Variants in SLC9A5 observed in about 807,000 individuals in gnomAD.
SLC9A5 encodes the protein sodium/hydrogen exchanger 5.
A neutral mutation model predicts 91.7 loss-of-function variants in SLC9A5; 52 were observed. The observed-to-expected ratio is 0.57, with a 90% CI of 0.45 to 0.71. The LOEUF (loss-of-function observed/expected upper bound fraction) is 0.71, where lower values mean the gene tolerates loss of function less well. Ranked by LOEUF, SLC9A5 falls within the 30% of genes least tolerant of loss-of-function variation. The pLI is 0.00. For synonymous variants in SLC9A5, 419 were observed against 474.5 expected (o/e 0.88, Z 1.52); for missense variants, 871 against 1,158.9 (o/e 0.75, Z 3.61).
At position 67,271,500 on chromosome 16, in the gene SLC9A5, G is replaced by C. The variant is rs755068372; in HGVS notation, c.*290G>C. 15 of 443,498 alleles carry C rather than the reference G, an allele frequency of 3.4e-5. No individual in the cohort carries two copies. Among genetic ancestry groups the C allele is most frequent in the Non-Finnish European group, 5.3e-5 (13 of 243,858 alleles). The allele number at this position is 443,498 out of a possible 1,614,324, so 27.5% of individuals were successfully genotyped here. ...GCTAGGCCCAGAGACTTGGGTTGCT[G>C]GTCCCCCTTCCCTAGTGGGTTTTCC... On this transcript the variant is annotated 3_prime_UTR_variant, in exon 16 of 16. Transcript: ENST00000299798.
intron 1 of SLC9A5, among the ~76,000 whole-genome samples, chr16:67,250,487 C>T (rs1333348625): frequency 2.6e-5 from 4 of 152,164 alleles, no homozygotes; most frequent in African/African-American, 9.7e-5. Context: ...TTTGCTAAGT[C>T]TGTGAGTTGC....
Position 67,256,410 on chromosome 16 carries a change from T to C in SLC9A5, c.912-59T>C. 8.2e-7 allele frequency: 1 copy of C among 1,217,654 alleles called. No individual in the cohort carries two copies. The highest frequency in any genetic ancestry group is 1.2e-6 in the Non-Finnish European group (1 of 832,254). The allele number at this position is 1,217,654 out of a possible 1,614,324, so 75.4% of individuals were successfully genotyped here. On this transcript the variant is annotated intron_variant, in intron 5 of 15. Coordinates refer to ENST00000299798, the MANE Select transcript of SLC9A5 (RefSeq NM_004594.3). The surrounding 1 kb of genome is among the most constrained non-coding windows in gnomAD (Gnocchi z 4.1). Reference sequence around the variant, plus strand: ...CCCCTCCTGCAGTATGCTCAAACCCTGGAGGCTGAGCCCCCTGGAACCCTT... The same window carrying C: ...CCCCTCCTGCAGTATGCTCAAACCCCGGAGGCTGAGCCCCCTGGAACCCTT...
rs2142351634 is a variant in SLC9A5, at chr16:67,256,360, T to C, written c.912-109T>C. Reference sequence around the variant, plus strand: ...CCTCCCTGGGCTTCAGCTCTGAGAGTCTGACATCCTGTAATGGGCAATGCC... The same window carrying C: ...CCTCCCTGGGCTTCAGCTCTGAGAGCCTGACATCCTGTAATGGGCAATGCC... On this transcript the variant is annotated intron_variant, in intron 5 of 15. Coordinates refer to ENST00000299798, the MANE Select transcript of SLC9A5 (RefSeq NM_004594.3). This position sits in a 1 kb window ranked among gnomAD's most constrained non-coding sequence, Gnocchi z 4.1. 1 of 756,654 alleles carries C rather than the reference T, an allele frequency of 1.3e-6. No individual in the cohort carries two copies. The highest frequency in any genetic ancestry group is 2.3e-6 in the Non-Finnish European group (1 of 442,246). The allele number at this position is 756,654 out of a possible 1,614,324, so 46.9% of individuals were successfully genotyped here. A position where few individuals can be genotyped will look rare whatever the true frequency, so the allele number is the denominator to read the frequency against.
In SLC9A5 at chr16:67,258,599, C is replaced by A; in HGVS notation, c.1626+152C>A. ...CTGGTGAAGTGGCAGCGGCAGGAAG[C>A]AGCTGGGTCTGGTGCTGACATTCAG... On this transcript the variant is annotated intron_variant, in intron 10 of 15. Coordinates refer to ENST00000299798, the MANE Select transcript of SLC9A5 (RefSeq NM_004594.3). The surrounding 1 kb of genome is among the most constrained non-coding windows in gnomAD (Gnocchi z 4.5). 1 of 877,976 alleles carries A rather than the reference C, an allele frequency of 1.1e-6. No individual in the cohort carries two copies. 54.4% of individuals were successfully genotyped at this position (877,976 alleles called of 1,614,324 possible).
intron 1 of SLC9A5, among the ~76,000 whole-genome samples, chr16:67,250,175 C>T (rs2142333281): frequency 6.6e-6 from 1 of 152,312 alleles, no homozygotes; most frequent in South Asian, 2.1e-4. Context: ...ATGGACACTG[C>T]TAGGGGGTGA....
chr16:67,262,463 T>C (rs1297927026), intron 12 of SLC9A5: 1 of 324,624 alleles, frequency 3.1e-6, no homozygotes, highest in East Asian at 7.8e-5. Context: ...TTGGAAGCAA[T>C]CTGTATCAGG....
At position 67,257,132 on chromosome 16, in the gene SLC9A5, C is replaced by T; in HGVS notation, c.1335+19C>T. The T allele has an allele frequency of 6.3e-7, 1 of 1,599,322 alleles. No individual in the cohort carries two copies. Among genetic ancestry groups the T allele is most frequent in the Non-Finnish European group, 8.5e-7 (1 of 1,174,396 alleles). On this transcript the variant is annotated intron_variant, in intron 7 of 15. Transcript: ENST00000299798. This position sits in a 1 kb window ranked among gnomAD's most constrained non-coding sequence, Gnocchi z 5.1. ...CGTGCAGGTGGGAGTGCCCACAAGG[C>T]TGGGTAGGGAGAGGGTTGGGCAGGC...
Position 67,268,658 on chromosome 16 carries a change from T to TTATATATATA in SLC9A5, c.2219-2036_2219-2027dup, listed in dbSNP as rs60054219. 5.0e-3 allele frequency among the ~76,000 whole-genome samples: 210 copies of TTATATATATA among 42,224 alleles called. 5 individuals carry two copies. Among genetic ancestry groups the TTATATATATA allele is most frequent in the South Asian group, 8.5e-3 (11 of 1,288 alleles). The allele number at this position is 42,224 out of a possible 152,430, so 27.7% of individuals were successfully genotyped here. Reference sequence around the variant, plus strand: ...TCAAACATCGTTCAAATTTCCCTGATTATATATATATATATATATATATAT... The same window carrying TTATATATATA: ...TCAAACATCGTTCAAATTTCCCTGATTATATATATATATATATATATATATATATATATAT... On this transcript the variant is annotated intron_variant, in intron 15 of 15. Coordinates refer to ENST00000299798, the MANE Select transcript of SLC9A5 (RefSeq NM_004594.3).
At chr16:67,261,674 ATAATAG>A (rs1386978633) in intron 12 of SLC9A5, 1 of 152,220 alleles carries the variant, frequency 6.6e-6, no homozygotes, top group African/African-American at 2.4e-5. Flanking sequence ...AAAAAAATCT[ATAATAG>A]TTCTTTTTCC....
rs985344954 is a variant in SLC9A5 at position 67,255,024 on chromosome 16, C to T, written c.494C>T (p.Pro165Leu). 2 of 1,613,504 alleles carry T rather than the reference C, an allele frequency of 1.2e-6. No homozygotes were observed. Among genetic ancestry groups the T allele is most frequent in the African/African-American group, 2.7e-5 (2 of 74,984 alleles). The change falls in exon 3 of 16, where the codon CCT becomes CTT. Residue 165 changes from proline (P) to leucine (L), a missense_variant. Transcript: ENST00000299798. The surrounding 1 kb of genome is among the most constrained non-coding windows in gnomAD (Gnocchi z 4.9). The stretch of plus-strand genomic sequence containing the variant: ...TCCTACACATGTCCCTTAATAGCCC[C>T]TAGGGTGCAGGCTGGCTTACTGGAC... ...WGLQQAGLVA[P>L]RVQAGLLDFL...
chr16:67,251,540 A>G (rs1011847581), intron 1 of SLC9A5, among the ~76,000 whole-genome samples: 3 of 149,320 alleles, frequency 2.0e-5, no homozygotes, highest in Admixed American at 1.3e-4. Flanking sequence ...CAGTCTCCCA[A>G]GTAGCTGGGA....
Position 67,252,440 on chromosome 16 carries a change from A to G in SLC9A5, c.188-102A>G. 507 of 914,878 alleles carry G rather than the reference A, an allele frequency of 5.5e-4. No homozygotes were observed. The highest frequency in any genetic ancestry group is 7.5e-4 in the Non-Finnish European group (452 of 600,702). 56.7% of individuals were successfully genotyped at this position (914,878 alleles called of 1,614,324 possible). On this transcript the variant is annotated intron_variant, in intron 1 of 15. Coordinates refer to ENST00000299798, the MANE Select transcript of SLC9A5 (RefSeq NM_004594.3). This position sits in a 1 kb window ranked among gnomAD's most constrained non-coding sequence, Gnocchi z 4.0. ...ACTCCAGCTTGGGCAACAGAGTGAG[A>G]CTTCATCTCAAAAAAAAAAAAACAA...
chr16:67,256,684 C>T lies in SLC9A5; in HGVS notation c.1127C>T (p.Ala376Val), dbSNP rs1288786410. 1 of 1,610,936 alleles carries T rather than the reference C, an allele frequency of 6.2e-7. No homozygotes were observed. Among genetic ancestry groups the T allele is most frequent in the South Asian group, 1.1e-5 (1 of 91,026 alleles). Residue 376 changes from alanine to valine, a missense_variant, in exon 6 of 16, where the codon GCC becomes GTC. Coordinates refer to ENST00000299798, the MANE Select transcript of SLC9A5 (RefSeq NM_004594.3). This position sits in a 1 kb window ranked among gnomAD's most constrained non-coding sequence, Gnocchi z 4.1. ...GTLIFILFFR[A>V]LGVVLQTWVL... ...CTCATCTTCATCCTGTTCTTCCGAG[C>T]CCTCGGTATTGCTGGCACCCTCTGC...
intron 15 of SLC9A5, 63 bp downstream of exon 15, chr16:67,266,288 A>T: frequency 6.7e-7 from 1 of 1,483,458 alleles, no homozygotes; most frequent in Non-Finnish European, 9.0e-7. Context: ...CTCTTCACTC[A>T]TGGCCTCTAC....
intron 14 of SLC9A5, among the ~76,000 whole-genome samples, chr16:67,265,652 A>C (rs1329865391): frequency 1.3e-5 from 2 of 151,966 alleles, no homozygotes; most frequent in African/African-American, 4.8e-5. Flanking sequence ...TGAATGCCTA[A>C]CCTCAGGTGA....
At position 67,264,453 on chromosome 16, in the gene SLC9A5, T is replaced by A. The variant is rs372540427; in HGVS notation, c.1944T>A (p.Phe648Leu). The change falls in exon 13 of 16, where the codon TTT becomes TTA. Residue 648 changes from phenylalanine to leucine, a missense_variant. By Grantham distance (22) the Phe-to-Leu change is conservative. Around this residue, in one of 3 missense-constraint regions of SLC9A5, gnomAD observed 454 missense variants for 718.3 expected, o/e 0.63. Transcript: ENST00000299798. ...QQNMKRRLES[F>L]KSTKHNICFT... The stretch of plus-strand genomic sequence containing the variant: ...ACATGAAGCGGCGGCTGGAGTCCTT[T>A]AAGTCCACCAAGCACAACATCTGCT... 1.2e-6 allele frequency: 2 copies of A among 1,614,022 alleles called. No homozygotes were observed. Among genetic ancestry groups the A allele is most frequent in the African/African-American group, 1.3e-5 (1 of 74,904 alleles).
Position 67,255,931 on chromosome 16 carries a change from G to A in SLC9A5, c.911+1G>A, listed in dbSNP as rs756688645. The stretch of plus-strand genomic sequence containing the variant: ...TGGCCTCGCTCTCCGCCATTCTTGC[G>A]TGAGTTCTGGGGGCCTTGCAGGCAG... On this transcript the variant is annotated splice_donor_variant, in intron 5 of 15. Coordinates refer to ENST00000299798, the MANE Select transcript of SLC9A5 (RefSeq NM_004594.3). LOFTEE classifies it high-confidence loss of function. The surrounding 1 kb of genome is among the most constrained non-coding windows in gnomAD (Gnocchi z 4.9). 3 of 1,612,482 alleles carry A rather than the reference G, an allele frequency of 1.9e-6. No homozygotes were observed. The highest frequency in any genetic ancestry group is 1.3e-5 in the African/African-American group (1 of 75,008).
In SLC9A5 at chr16:67,252,884, C is replaced by A; in HGVS notation, c.490+40C>A. 6.4e-7 allele frequency: 1 copy of A among 1,551,828 alleles called. No individual in the cohort carries two copies. Among genetic ancestry groups the A allele is most frequent in the Non-Finnish European group, 8.7e-7 (1 of 1,144,214 alleles). The stretch of plus-strand genomic sequence containing the variant: ...GACCTGGGCTTTGCCAGACCCATCA[C>A]CCCTCTCCCTTCTCCTCAAGCTCTG... On this transcript the variant is annotated intron_variant, in intron 2 of 15. Transcript: ENST00000299798. This position sits in a 1 kb window ranked among gnomAD's most constrained non-coding sequence, Gnocchi z 4.0.
chr16:67,255,533 C>G lies in SLC9A5; in HGVS notation c.733+62C>G. The G allele has an allele frequency of 5.9e-6, 9 of 1,513,746 alleles. No individual in the cohort carries two copies. The highest frequency in any genetic ancestry group is 8.3e-6 in the Non-Finnish European group (9 of 1,089,244). 93.8% of individuals were successfully genotyped at this position (1,513,746 alleles called of 1,614,324 possible). On this transcript the variant is annotated intron_variant, in intron 4 of 15. Transcript: ENST00000299798. This position sits in a 1 kb window ranked among gnomAD's most constrained non-coding sequence, Gnocchi z 4.9. ...CTGCCTCCCCTGGGTTGCTGAGGCCCTCCCACCCCGCATCAGGACAGAAGA... is the reference window on the plus strand; with the variant it reads ...CTGCCTCCCCTGGGTTGCTGAGGCCGTCCCACCCCGCATCAGGACAGAAGA...
Sources: allele counts gnomAD v4.1 joint callset (sites outside exome capture counted in the v4.1 genomes callset), GRCh38; gene constraint gnomAD v4.1.1; regional missense constraint gnomAD v4.1.1; non-coding constraint Gnocchi (gnomAD v3.1); transcripts MANE v1.5; gene names NCBI Gene and HGNC (gene_info 2026-07-23, HGNC 2026-07-21).